PTPRD: variants seen among roughly 807,000 people sequenced by gnomAD.
PTPRD encodes the protein receptor-type tyrosine-protein phosphatase delta.
PTPRD carries 34 observed loss-of-function variants against 214.5 expected under a neutral mutation model. That is an observed-to-expected ratio of 0.16 (90% CI 0.12 to 0.21). The LOEUF (loss-of-function observed/expected upper bound fraction) is 0.21, where lower values mean the gene tolerates loss of function less well. PTPRD is among the 10% of genes least tolerant of loss of function. The pLI is 1.00. For missense variants in PTPRD, 2,545 were observed against 2,398.7 expected (o/e 1.06, Z -1.27); for synonymous variants, 1,128 against 845.7 (o/e 1.33, Z -5.79).
chr9:10,384,714 A>G (rs77710191), intron 2 of PTPRD, among the ~76,000 whole-genome samples: 19,508 of 151,414 alleles, frequency 0.13, 1,307 homozygotes, highest in African/African-American at 0.15. Context: ...GAAACCCTGT[A>G]AGCATACATG....
intron 7 of PTPRD, among the ~76,000 whole-genome samples, chr9:9,595,833 C>G (rs1380413900): frequency 2.6e-5 from 4 of 151,800 alleles, no homozygotes; most frequent in Non-Finnish European, 5.9e-5. Context: ...AGACTACAAG[C>G]TGGGTGTAGT....
chr9:8,361,159 AT>A (rs907598235), intron 39 of PTPRD, among the ~76,000 whole-genome samples: 102 of 152,246 alleles, frequency 6.7e-4, no homozygotes, highest in Admixed American at 6.7e-3. Context: ...TAAAACTGCT[AT>A]TTTTTTCTAT....
At position 8,430,891 on chromosome 9, in the gene PTPRD, G is replaced by C. The variant is rs149437637; in HGVS notation, c.4086+5701C>G. Among the ~76,000 whole-genome samples the C allele has an allele frequency of 3.3e-4, 50 of 152,210 alleles. 1 individual carries two copies. The East Asian group carries it at 9.1e-3, about 28-fold the overall frequency. ...ATCCCAATAACATTCCAGCACTTAAGATTACCTCCTTGGTGTAATTCTCGT... is the reference window on the plus strand; with the variant it reads ...ATCCCAATAACATTCCAGCACTTAACATTACCTCCTTGGTGTAATTCTCGT... On this transcript the variant is annotated intron_variant, in intron 35 of 45. Transcript: ENST00000381196.
rs549387618 is a variant in PTPRD, at chr9:8,932,072, G to T, written c.-104+86625C>A. 4.0e-4 allele frequency among the ~76,000 whole-genome samples: 61 copies of T among 152,032 alleles called. 1 individual carries two copies. The highest frequency in any genetic ancestry group is 1.4e-3 in the African/African-American group (56 of 41,440). On this transcript the variant is annotated intron_variant, in intron 11 of 45. Transcript: ENST00000381196. ...CTCTCTTTTCTTCTTTAGTAGTCTG[G>T]CTAGTGGTCTATTTTGTTAATCTTT...
intron 2 of PTPRD, among the ~76,000 whole-genome samples, chr9:10,383,686 A>T (rs1037577549): frequency 2.0e-5 from 3 of 151,818 alleles, no homozygotes; most frequent in Non-Finnish European, 2.9e-5. Flanking sequence ...CTAAGTAATA[A>T]TTCATCACAA....
In PTPRD at chr9:10,063,221, T is replaced by C. The variant is rs183525873; in HGVS notation, c.-544-29431A>G. 2.4e-4 allele frequency among the ~76,000 whole-genome samples: 36 copies of C among 152,190 alleles called. No individual in the cohort carries two copies. In the East Asian group the frequency reaches 6.4e-3, roughly 27 times the overall value. ...ATTCAGCAAAATTCAACTGTTCCACTTCTGTCAACGTTTTAACCAATTCAT... is the reference window on the plus strand; with the variant it reads ...ATTCAGCAAAATTCAACTGTTCCACCTCTGTCAACGTTTTAACCAATTCAT... On this transcript the variant is annotated intron_variant, in intron 3 of 45. Coordinates refer to ENST00000381196, the MANE Select transcript of PTPRD (RefSeq NM_002839.4).
chr9:10,484,792 C>G (rs1302349462), intron 2 of PTPRD, among the ~76,000 whole-genome samples: 1 of 151,978 alleles, frequency 6.6e-6, no homozygotes, highest in Non-Finnish European at 1.5e-5. Context: ...GTGTAGTTTG[C>G]AAATATTTTC....
intron 11 of PTPRD, among the ~76,000 whole-genome samples, chr9:8,932,885 T>C (rs7036739): frequency 0.13 from 20,446 of 152,060 alleles, 1,903 homozygotes; most frequent in East Asian, 0.44. Flanking sequence ...TGAAAGGTTC[T>C]GTCTTGCTGG....
At chr9:9,290,453 T>C (rs1332297518) in intron 9 of PTPRD, among the ~76,000 whole-genome samples, 1 of 151,652 alleles carries the variant, frequency 6.6e-6, no homozygotes, top group Non-Finnish European at 1.5e-5. Context: ...AGACATTCTC[T>C]AGTTGGATAT....
chr9:9,176,262 G>T (rs140557843), intron 10 of PTPRD, among the ~76,000 whole-genome samples: 1 of 152,068 alleles, frequency 6.6e-6, no homozygotes, highest in African/African-American at 2.4e-5. Context: ...TATTTATTTG[G>T]TCATTTATTT....
At chr9:9,588,573 G>C (rs1455724993) in intron 7 of PTPRD, among the ~76,000 whole-genome samples, 2 of 151,940 alleles carry the variant, frequency 1.3e-5, no homozygotes, top group Non-Finnish European at 2.9e-5. Context: ...ATTAGTGAAA[G>C]ATAGAAAACC....
At chr9:10,145,456 A>AAACATATTTT (rs1167841335) in intron 3 of PTPRD, among the ~76,000 whole-genome samples, 2 of 152,122 alleles carry the variant, frequency 1.3e-5, no homozygotes, top group Admixed American at 6.6e-5. Flanking sequence ...AATAAATTGT[A>AAACATATTTT]AACGTATTTT....
intron 9 of PTPRD, among the ~76,000 whole-genome samples, chr9:9,305,637 G>A (rs760206245): frequency 3.9e-5 from 6 of 152,042 alleles, no homozygotes; most frequent in Admixed American, 6.6e-5. Flanking sequence ...TGGAAATGGA[G>A]TCATTGGAGA....
At chr9:9,193,922 T>C (rs571054351) in intron 9 of PTPRD, among the ~76,000 whole-genome samples, 2 of 152,306 alleles carry the variant, frequency 1.3e-5, no homozygotes, top group South Asian at 2.1e-4. Flanking sequence ...TTCTACTTTA[T>C]AAACTTTTTA....
intron 9 of PTPRD, among the ~76,000 whole-genome samples, chr9:9,357,041 T>C (rs1355368355): frequency 6.6e-6 from 1 of 151,326 alleles, no homozygotes; most frequent in Non-Finnish European, 1.5e-5. Context: ...CCTTCTCTCA[T>C]TCCTTCTCTT....
chr9:10,452,651 A>T (rs2098849766), intron 2 of PTPRD, among the ~76,000 whole-genome samples: 1 of 151,812 alleles, frequency 6.6e-6, no homozygotes, highest in South Asian at 2.1e-4. Context: ...CATTTAAAAA[A>T]ATCAGATTAT....
intron 11 of PTPRD, among the ~76,000 whole-genome samples, chr9:8,978,708 CAATA>C (rs1207938532): frequency 1.3e-5 from 2 of 152,044 alleles, no homozygotes; most frequent in Non-Finnish European, 2.9e-5. Flanking sequence ...CCTTGGACGG[CAATA>C]CTGCTTTGGA....
chr9:9,957,371 C>A (rs1442989026), intron 4 of PTPRD, among the ~76,000 whole-genome samples: 1 of 152,008 alleles, frequency 6.6e-6, no homozygotes, highest in Non-Finnish European at 1.5e-5. Flanking sequence ...AGGACTTGTA[C>A]ACATGCAGAC....
At chr9:9,773,035 A>C (rs1454666184) in intron 5 of PTPRD, among the ~76,000 whole-genome samples, 1 of 152,188 alleles carries the variant, frequency 6.6e-6, no homozygotes, top group Non-Finnish European at 1.5e-5. Context: ...CACATAGGAA[A>C]TATTGTGCTT....
Sources: allele counts gnomAD v4.1 joint callset (sites outside exome capture counted in the v4.1 genomes callset), GRCh38; gene constraint gnomAD v4.1.1; transcripts MANE v1.5; gene names NCBI Gene and HGNC (gene_info 2026-07-23, HGNC 2026-07-21).